EVL: variants seen among roughly 807,000 people sequenced by gnomAD.
EVL encodes the protein Enah/Vasp-like.
EVL carries 21 observed loss-of-function variants against 59.6 expected under a neutral mutation model. The ratio of observed to expected loss-of-function variants is 0.35; its 90% CI spans 0.25 to 0.51. The LOEUF is 0.51. Among genes scored for constraint, EVL ranks in the 20% least tolerant of loss-of-function variants. EVL has a pLI of 0.97. For missense variants in EVL, 462 were observed against 546.6 expected (o/e 0.85, Z 1.54); for synonymous variants, 198 against 203.5 (o/e 0.97, Z 0.23).
At chr14:100,083,446 T>C (rs1168707249) in intron 1 of EVL, among the ~76,000 whole-genome samples, 4 of 145,486 alleles carry the variant, frequency 2.7e-5, no homozygotes, top group Admixed American at 2.7e-4. Flanking sequence ...ATTCCCTCTT[T>C]AAAAAAAAAA....
intron 1 of EVL, among the ~76,000 whole-genome samples, chr14:100,011,845 TTTG>T (rs1297187998): frequency 7.2e-5 from 11 of 152,220 alleles, no homozygotes; most frequent in African/African-American, 2.7e-4. Flanking sequence ...GATAATTTCT[TTTG>T]TTGTTGTTAA....
chr14:100,000,745 T>C (rs920296003), intron 1 of EVL, among the ~76,000 whole-genome samples: 2 of 152,210 alleles, frequency 1.3e-5, no homozygotes, highest in African/African-American at 4.8e-5. Flanking sequence ...AGGTTTACCC[T>C]AAGCAGTTCC....
chr14:100,014,822 A>G (rs79303269), intron 1 of EVL, among the ~76,000 whole-genome samples: 2 of 152,176 alleles, frequency 1.3e-5, no homozygotes, highest in African/African-American at 4.8e-5. Context: ...ACCAGGGAGA[A>G]ATGGGCCTCT....
intron 3 of EVL, among the ~76,000 whole-genome samples, chr14:100,099,421 T>A (rs376094692): frequency 1.3e-5 from 2 of 152,136 alleles, no homozygotes; most frequent in South Asian, 2.1e-4. Flanking sequence ...GTTTTGTGGT[T>A]TTTTTAAGTA....
At chr14:100,132,181 G>A (rs997001872) in intron 7 of EVL, among the ~76,000 whole-genome samples, 7 of 151,358 alleles carry the variant, frequency 4.6e-5, no homozygotes, top group Middle Eastern at 3.4e-3. Context: ...ACTCAAGGGC[G>A]TCACGTGGAC....
At chr14:100,113,396 C>T (rs73349540) in intron 3 of EVL, among the ~76,000 whole-genome samples, 3,070 of 152,226 alleles carry the variant, frequency 0.02, 108 homozygotes, top group African/African-American at 0.065. Flanking sequence ...ATGCTCAGAA[C>T]GGTGCCCGGC....
chr14:100,069,794 A>G (rs535172785), intron 1 of EVL, among the ~76,000 whole-genome samples: 1 of 152,314 alleles, frequency 6.6e-6, no homozygotes, highest in South Asian at 2.1e-4. Context: ...TGGTAACTGA[A>G]CCCACAGAGG....
intron 1 of EVL, among the ~76,000 whole-genome samples, chr14:99,999,598 G>C (rs2060933475): frequency 6.6e-6 from 1 of 152,196 alleles, no homozygotes; most frequent in Non-Finnish European, 1.5e-5. Context: ...AGGAATTAGA[G>C]ACCAGCCTGA....
intron 1 of EVL, among the ~76,000 whole-genome samples, chr14:100,054,068 T>C (rs1186727265): frequency 6.8e-5 from 10 of 146,240 alleles, no homozygotes; most frequent in Admixed American, 2.0e-4. Flanking sequence ...TTTTTTTTTT[T>C]TTTTTGAGAC....
chr14:100,038,771 G>GGTGGGT (rs1555415166), intron 1 of EVL, among the ~76,000 whole-genome samples: 1 of 140,916 alleles, frequency 7.1e-6, no homozygotes, highest in Non-Finnish European at 1.5e-5. Context: ...TGTGCCCTGG[G>GGTGGGT]GTGTGTGTGT....
intron 1 of EVL, among the ~76,000 whole-genome samples, chr14:100,026,225 T>A (rs140786988): frequency 0.029 from 3,964 of 135,242 alleles, 75 homozygotes; most frequent in Non-Finnish European, 0.041. Context: ...CACTCCAGTG[T>A]CTCAGGAAAA....
At chr14:100,075,352 T>G (rs1023236729) in intron 1 of EVL, among the ~76,000 whole-genome samples, 9 of 152,230 alleles carry the variant, frequency 5.9e-5, no homozygotes, top group African/African-American at 2.2e-4. Context: ...GCTGCTCCGC[T>G]CCCATCCAGG....
chr14:100,111,402 C>T (rs146101180), intron 3 of EVL, among the ~76,000 whole-genome samples: 2,776 of 152,132 alleles, frequency 0.018, 82 homozygotes, highest in African/African-American at 0.064. Context: ...GGTGATCCAC[C>T]CACCTCGGCC....
chr14:100,132,698 C>A (rs778275486), intron 7 of EVL, 21 bp from the exon 8 acceptor site: 1 of 1,614,026 alleles, frequency 6.2e-7, no homozygotes, highest in South Asian at 1.1e-5. Context: ...TGATCTGTAT[C>A]TTCCCCTTCT....
intron 1 of EVL, among the ~76,000 whole-genome samples, chr14:100,004,386 G>A (rs554064278): frequency 1.3e-5 from 2 of 151,892 alleles, no homozygotes; most frequent in Non-Finnish European, 2.9e-5. Flanking sequence ...TGAACTTTGG[G>A]TTAAAAAAAA....
chr14:100,059,561 G>A (rs112996181), intron 1 of EVL, among the ~76,000 whole-genome samples: 1 of 152,204 alleles, frequency 6.6e-6, no homozygotes, highest in Non-Finnish European at 1.5e-5. Flanking sequence ...ATCGCCTGCT[G>A]TAGGGCTGAG....
At chr14:100,070,976 A>T (rs980394848) in intron 1 of EVL, among the ~76,000 whole-genome samples, 2 of 152,200 alleles carry the variant, frequency 1.3e-5, no homozygotes, top group Non-Finnish European at 1.5e-5. Flanking sequence ...TTGAAAGAGT[A>T]TGGGAGATGC....
chr14:100,104,902 CT>C (rs568203851), intron 3 of EVL, among the ~76,000 whole-genome samples: 10,843 of 99,438 alleles, frequency 0.11, 838 homozygotes, highest in East Asian at 0.37. Flanking sequence ...CCTCTCTTTA[CT>C]TTTTTTTTTT....
At chr14:100,128,469 G>A (rs755416403) in intron 5 of EVL, 50 bp from the exon 6 acceptor site, 8 of 1,584,472 alleles carry the variant, frequency 5.0e-6, no homozygotes, top group Non-Finnish European at 6.9e-6. Flanking sequence ...CAGCAGGCTT[G>A]GCCCCCAGCT....
Sources: allele counts gnomAD v4.1 joint callset (sites outside exome capture counted in the v4.1 genomes callset), GRCh38; gene constraint gnomAD v4.1.1; transcripts MANE v1.5; gene names NCBI Gene and HGNC (gene_info 2026-07-23, HGNC 2026-07-21).